Variants in ELAVL2 observed in about 807,000 individuals in gnomAD.
The protein encoded by ELAVL2 is ELAV-like protein 2.
A neutral mutation model predicts 34.6 loss-of-function variants in ELAVL2; 4 were observed. The observed-to-expected ratio is 0.12, with a 90% CI of 0.06 to 0.26. The LOEUF (loss-of-function observed/expected upper bound fraction) is 0.26, where lower values mean the gene tolerates loss of function less well. ELAVL2 is among the 10% of genes least tolerant of loss of function. The pLI is 1.00. For synonymous variants in ELAVL2, 193 were observed against 154.8 expected, an observed-to-expected ratio of 1.25 and a Z score of -1.83; for missense variants, 432 against 442.8, an observed-to-expected ratio of 0.98 and a Z score of 0.22.
intron 3 of ELAVL2, among the ~76,000 whole-genome samples, chr9:23,728,827 C>G (rs1040305071): frequency 6.6e-6 from 1 of 152,046 alleles, no homozygotes; most frequent in Non-Finnish European, 1.5e-5. Context: ...TCTGCTTTGC[C>G]TCTTAGACAA....
At chr9:23,740,184 C>T (rs10966060) in intron 2 of ELAVL2, among the ~76,000 whole-genome samples, 29,629 of 152,050 alleles carry the variant, frequency 0.19, 3,117 homozygotes, top group Admixed American at 0.27. Context: ...TTCCCACTGC[C>T]CCATAAATGC....
At chr9:23,813,555 C>T (rs2063308326) in intron 1 of ELAVL2, among the ~76,000 whole-genome samples, 1 of 151,994 alleles carries the variant, frequency 6.6e-6, no homozygotes, top group South Asian at 2.1e-4. Flanking sequence ...CATCAAGTAG[C>T]AATGTTGACC....
intron 2 of ELAVL2, among the ~76,000 whole-genome samples, chr9:23,734,382 G>A (rs997725522): frequency 2.0e-4 from 31 of 152,124 alleles, no homozygotes; most frequent in Non-Finnish European, 4.0e-4. Context: ...TCTCCTACAA[G>A]GTAGAAATGA....
At chr9:23,734,624 A>T (rs945896346) in intron 2 of ELAVL2, among the ~76,000 whole-genome samples, 3 of 152,190 alleles carry the variant, frequency 2.0e-5, no homozygotes, top group Non-Finnish European at 4.4e-5. Flanking sequence ...CTTTTACCGC[A>T]AAAGTTGTTT....
chr9:23,847,617 T>C, the ELAVL2 span, among the ~76,000 whole-genome samples: 33,981 of 152,006 alleles, frequency 0.22, 4,191 homozygotes, highest in Non-Finnish European at 0.26. Flanking sequence ...AATTTTGGTA[T>C]AAAGGCAATT....
At chr9:23,817,204 A>G (rs1445650390) in intron 1 of ELAVL2, among the ~76,000 whole-genome samples, 3 of 152,168 alleles carry the variant, frequency 2.0e-5, no homozygotes, top group Admixed American at 6.5e-5. Context: ...GATGTAATAG[A>G]TATCAGTAAT....
intron 1 of ELAVL2, among the ~76,000 whole-genome samples, chr9:23,770,015 C>T (rs543959225): frequency 6.6e-6 from 1 of 152,300 alleles, no homozygotes; most frequent in Non-Finnish European, 1.5e-5. Context: ...CGAAAAAGAT[C>T]TGCTTAAGTT....
At chr9:23,785,127 T>C (rs1375745720) in intron 1 of ELAVL2, among the ~76,000 whole-genome samples, 3 of 152,182 alleles carry the variant, frequency 2.0e-5, no homozygotes, top group African/African-American at 7.2e-5. Flanking sequence ...CCTCCCACAA[T>C]GTACAGTTTT....
At chr9:23,756,245 T>C (rs2053531955) in intron 2 of ELAVL2, among the ~76,000 whole-genome samples, 1 of 152,206 alleles carries the variant, frequency 6.6e-6, no homozygotes, top group Admixed American at 6.6e-5. Context: ...TTTAAGATAC[T>C]AGCCCTAAGG....
At chr9:23,752,627 G>T (rs1419715514) in intron 2 of ELAVL2, among the ~76,000 whole-genome samples, 1 of 152,010 alleles carries the variant, frequency 6.6e-6, no homozygotes, top group East Asian at 1.9e-4. Flanking sequence ...GCTAATTTTT[G>T]TATTTTTAGT....
chr9:23,817,451 A>G (rs893086312), intron 1 of ELAVL2, among the ~76,000 whole-genome samples: 6 of 152,228 alleles, frequency 3.9e-5, no homozygotes, highest in African/African-American at 1.4e-4. Flanking sequence ...CCATGTCATT[A>G]AGCATATCAA....
In ELAVL2 at chr9:23,701,502, G is replaced by T. The variant is rs762214108; in HGVS notation, c.590C>A (p.Pro197Gln). The T allele has an allele frequency of 2.5e-5, 41 of 1,613,974 alleles. No individual in the cohort carries two copies. The highest frequency in any genetic ancestry group is 3.2e-5 in the Non-Finnish European group (38 of 1,180,012). ...GTTATTAGCAAACTTTACAGTGATT[G>T]GCTCCGTGGCACCGGGAGGTTTCTG... ...NGQKPPGATE[P>Q]ITVKFANNPS... Residue 197 changes from proline (P) to glutamine (Q), a missense_variant, in exon 5 of 7, where the codon CCA becomes CAA. Around this residue, in one of 3 missense-constraint regions of ELAVL2, gnomAD observed 295 missense variants for 306.1 expected, o/e 0.96. Coordinates refer to ENST00000397312, the MANE Select transcript of ELAVL2 (RefSeq NM_004432.5).
chr9:23,798,011 G>C (rs917055405), intron 1 of ELAVL2, among the ~76,000 whole-genome samples: 1 of 152,188 alleles, frequency 6.6e-6, no homozygotes, highest in African/African-American at 2.4e-5. Context: ...AAGTTATTTG[G>C]CTAGTTCATG....
intron 1 of ELAVL2, among the ~76,000 whole-genome samples, chr9:23,790,616 T>C (rs2060217568): frequency 6.6e-6 from 1 of 152,322 alleles, no homozygotes; most frequent in African/African-American, 2.4e-5. Flanking sequence ...GGTTTGACTC[T>C]CTGCTGATTA....
Position 23,691,405 on chromosome 9 carries a change from C to T in ELAVL2, c.*1152G>A, listed in dbSNP as rs539980098. 2 of 152,660 alleles carry T rather than the reference C, an allele frequency of 1.3e-5. No individual in the cohort carries two copies. Among genetic ancestry groups the T allele is most frequent in the South Asian group, 2.1e-4 (1 of 4,818 alleles). 9.5% of individuals were successfully genotyped at this position (152,660 alleles called of 1,614,324 possible). A position where few individuals can be genotyped will look rare whatever the true frequency, so the allele number is the denominator to read the frequency against. The stretch of plus-strand genomic sequence containing the variant: ...TTTGCTGATTTGCTGCAGTACAAAT[C>T]ATGTGCAACGTCTTTTTTCCTTAAG... On this transcript the variant is annotated 3_prime_UTR_variant, in exon 7 of 7. Transcript: ENST00000397312.
chr9:23,786,408 A>G (rs2059687345), intron 1 of ELAVL2, among the ~76,000 whole-genome samples: 1 of 152,184 alleles, frequency 6.6e-6, no homozygotes, highest in African/African-American at 2.4e-5. Flanking sequence ...TTAGCAATAT[A>G]TATTGACCCT....
At chr9:23,816,625 G>A (rs1427061506) in intron 1 of ELAVL2, among the ~76,000 whole-genome samples, 1 of 152,078 alleles carries the variant, frequency 6.6e-6, no homozygotes, top group Admixed American at 6.5e-5. Context: ...CAACTGTATG[G>A]TGATATAAAA....
chr9:23,806,312 A>AT (rs1564541334), intron 1 of ELAVL2, among the ~76,000 whole-genome samples: 1 of 152,172 alleles, frequency 6.6e-6, no homozygotes, highest in African/African-American at 2.4e-5. Context: ...TTTAATCTTC[A>AT]TTTTAAAGAC....
intron 1 of ELAVL2, among the ~76,000 whole-genome samples, chr9:23,817,380 C>T (rs1304390757): frequency 1.3e-5 from 2 of 152,108 alleles, no homozygotes; most frequent in Non-Finnish European, 2.9e-5. Flanking sequence ...ATAAAGATTT[C>T]TTACAACGAA....
Sources: gnomAD v4.1 joint callset for allele counts (sites outside exome capture counted in the v4.1 genomes callset) on GRCh38, gnomAD v4.1.1 for gene constraint, gnomAD v4.1.1 regional missense constraint, MANE v1.5 for transcripts, NCBI Gene and HGNC (gene_info 2026-07-23, HGNC 2026-07-21) for gene names.